The following PLAAT1 variants were observed in gnomAD, a reference collection of about 807,000 sequenced individuals.
PLAAT1 encodes the protein H-REV107 protein-related protein.
A neutral mutation model predicts 16.4 loss-of-function variants in PLAAT1; 13 were observed. The ratio of observed to expected loss-of-function variants is 0.79; its 90% CI spans 0.52 to 1.26. The LOEUF (loss-of-function observed/expected upper bound fraction) is 1.26, where lower values mean the gene tolerates loss of function less well. PLAAT1 is among the 50% of genes most tolerant of loss of function. The pLI is 0.00. For synonymous variants in PLAAT1, 73 were observed against 78.4 expected (o/e 0.93, Z 0.36); for missense variants, 218 against 207.8 (o/e 1.05, Z -0.30).
downstream of PLAAT1, among the ~76,000 whole-genome samples, chr3:193,279,634 G>T (rs186500624): frequency 3.2e-3 from 489 of 152,208 alleles, 3 homozygotes; most frequent in African/African-American, 0.011. Flanking sequence ...TAATATCTTA[G>T]AATCTTTCCT....
intron 2 of PLAAT1, among the ~76,000 whole-genome samples, chr3:193,261,527 CTT>C (rs1716584685): frequency 6.6e-6 from 1 of 152,054 alleles, no homozygotes; most frequent in Non-Finnish European, 1.5e-5. Flanking sequence ...GTATTTGCCT[CTT>C]GTTTTAGAAT....
downstream of PLAAT1, among the ~76,000 whole-genome samples, chr3:193,275,838 C>G (rs1228758043): frequency 6.6e-6 from 1 of 152,090 alleles, no homozygotes; most frequent in African/African-American, 2.4e-5. Context: ...GCTAAACTTT[C>G]TGTGGTAAAC....
chr3:193,246,314 T>G (rs578222180), intron 1 of PLAAT1, among the ~76,000 whole-genome samples: 3 of 152,278 alleles, frequency 2.0e-5, no homozygotes, highest in Admixed American at 2.0e-4. Flanking sequence ...GAGATACTTG[T>G]GTGCTTTTTG....
chr3:193,279,505 A>G (rs370934692), downstream of PLAAT1: 439 of 1,480,228 alleles, frequency 3.0e-4, 2 homozygotes, highest in Middle Eastern at 1.2e-3. Context: ...TGTTTCATAT[A>G]ATTTGGCACA....
At chr3:193,240,698 TGCTG>T (rs1362785144), upstream of PLAAT1, among the ~76,000 whole-genome samples, 4 of 138,174 alleles carry the variant, frequency 2.9e-5, no homozygotes, top group Non-Finnish European at 4.8e-5. Flanking sequence ...TGGAGGTCTC[TGCTG>T]GCTATCTGGC....
At chr3:193,269,451 T>A (rs192306493) in intron 3 of PLAAT1, among the ~76,000 whole-genome samples, 239 of 152,296 alleles carry the variant, frequency 1.6e-3, no homozygotes, top group Admixed American at 2.5e-3. Flanking sequence ...GTTGTGTCCC[T>A]CTTTCCTGGC....
chr3:193,268,306 A>T (rs1224135600), intron 3 of PLAAT1, among the ~76,000 whole-genome samples: 1 of 152,160 alleles, frequency 6.6e-6, no homozygotes, highest in Non-Finnish European at 1.5e-5. Context: ...CAGCCTTACG[A>T]GGCCTTAGGA....
chr3:193,241,139 G>A (rs1219058754), upstream of PLAAT1: 29 of 754,646 alleles, frequency 3.8e-5, no homozygotes, highest in South Asian at 5.1e-4. Context: ...CGGGCGGGCG[G>A]GCGAAGCTGG....
chr3:193,275,187 G>A (rs990027280), downstream of PLAAT1: 1 of 1,614,152 alleles, frequency 6.2e-7, no homozygotes, highest in Non-Finnish European at 8.5e-7. Context: ...GTTTATGGGA[G>A]GCCAGGTTGA....
At chr3:193,255,931 A>G (rs1288575084) in intron 2 of PLAAT1, 142 bp downstream of exon 2, 4 of 751,422 alleles carry the variant, frequency 5.3e-6, no homozygotes, top group Non-Finnish European at 7.7e-6. Flanking sequence ...AGGTTTAGAG[A>G]AGGATATTCT....
At chr3:193,260,981 T>G (rs1182527811) in intron 2 of PLAAT1, among the ~76,000 whole-genome samples, 1 of 152,198 alleles carries the variant, frequency 6.6e-6, no homozygotes, top group Non-Finnish European at 1.5e-5. Context: ...TTCTGGGTGG[T>G]GGGATAATGG....
At chr3:193,262,898 A>G in intron 2 of PLAAT1, 72 bp from the exon 3 acceptor site, 2 of 1,482,758 alleles carry the variant, frequency 1.3e-6, no homozygotes, top group African/African-American at 1.4e-5. Flanking sequence ...AGCATTTCCA[A>G]AGTCTTTAGA....
At chr3:193,267,999 T>G (rs899893496) in intron 3 of PLAAT1, among the ~76,000 whole-genome samples, 2 of 152,246 alleles carry the variant, frequency 1.3e-5, no homozygotes, top group African/African-American at 4.8e-5. Flanking sequence ...ATGATGTATC[T>G]CTTGATGACC....
At chr3:193,276,925 C>G in intron 2 of PLAAT1, 2 of 943,902 alleles carry the variant, frequency 2.1e-6, no homozygotes, top group Non-Finnish European at 3.2e-6. Flanking sequence ...TGTAATAACT[C>G]TCTGAGCTTA....
At chr3:193,270,069 A>AATACACAC (rs34199975) in intron 3 of PLAAT1, among the ~76,000 whole-genome samples, 2,834 of 147,956 alleles carry the variant, frequency 0.019, 66 homozygotes, top group African/African-American at 0.05. Context: ...ACATCCCTGA[A>AATACACAC]ACACACACAC....
At chr3:193,264,874 A>G (rs1456684293) in intron 3 of PLAAT1, among the ~76,000 whole-genome samples, 1 of 152,174 alleles carries the variant, frequency 6.6e-6, no homozygotes, top group Admixed American at 6.5e-5. Flanking sequence ...AGTTTTCTTT[A>G]TGTACTTTGG....
At chr3:193,276,701 G>A in intron 2 of PLAAT1, 1 of 1,340,856 alleles carries the variant, frequency 7.5e-7, no homozygotes, top group Non-Finnish European at 1.1e-6. Context: ...CTGAAAATGA[G>A]ATCCTTAATT....
intron 1 of PLAAT1, among the ~76,000 whole-genome samples, chr3:193,244,647 A>G (rs1715911599): frequency 6.6e-6 from 1 of 152,184 alleles, no homozygotes; most frequent in Non-Finnish European, 1.5e-5. Context: ...TATTTCTTAT[A>G]GTTATGGAGG....
intron 2 of PLAAT1, 31 bp from the exon 3 acceptor site, chr3:193,262,939 A>G (rs1716638554): frequency 1.9e-6 from 3 of 1,610,790 alleles, no homozygotes; most frequent in African/African-American, 2.7e-5. Flanking sequence ...CTGGGTCACT[A>G]TACCTTACTA....
Sources: gnomAD v4.1 joint callset for allele counts (sites outside exome capture counted in the v4.1 genomes callset) on GRCh38, gnomAD v4.1.1 for gene constraint, MANE v1.5 for transcripts, NCBI Gene and HGNC (gene_info 2026-07-23, HGNC 2026-07-21) for gene names.